Variants in RBFOX1 observed in about 807,000 individuals in gnomAD.
RBFOX1 encodes RNA binding fox-1 homolog 1.
In RBFOX1, 8 loss-of-function variants were observed where a neutral mutation model predicts 57.7. The observed-to-expected ratio is 0.14, with a 90% CI of 0.08 to 0.25. RBFOX1 has a LOEUF of 0.25. RBFOX1 is among the 10% of genes least tolerant of loss of function. The pLI is 1.00. For missense variants in RBFOX1, 611 were observed against 548.5 expected (o/e 1.11, Z -1.14); for synonymous variants, 326 against 222.4 (o/e 1.47, Z -4.15).
chr16:5,422,109 C>A (rs1033589937), intron 1 of RBFOX1, among the ~76,000 whole-genome samples: 1 of 151,804 alleles, frequency 6.6e-6, no homozygotes, highest in Non-Finnish European at 1.5e-5. Context: ...CTAGCCCATG[C>A]GAATAAAAGT....
At chr16:5,960,091 C>G (rs934308972) in intron 4 of RBFOX1, among the ~76,000 whole-genome samples, 3 of 152,026 alleles carry the variant, frequency 2.0e-5, no homozygotes, top group African/African-American at 4.8e-5. Flanking sequence ...ATCCCAGCTA[C>G]TTAGGAGGCC....
chr16:5,759,334 A>T (rs750125955), intron 3 of RBFOX1, among the ~76,000 whole-genome samples: 2 of 152,118 alleles, frequency 1.3e-5, no homozygotes, highest in Non-Finnish European at 1.5e-5. Context: ...TCTTAGAGAG[A>T]TGTATCTCTG....
At chr16:5,279,748 C>T (rs529724745) in intron 1 of RBFOX1, among the ~76,000 whole-genome samples, 1 of 152,266 alleles carries the variant, frequency 6.6e-6, no homozygotes, top group East Asian at 1.9e-4. Context: ...GTGATCCACC[C>T]ACCTTGGCCT....
chr16:6,706,103 G>A (rs770266014), intron 3 of RBFOX1, among the ~76,000 whole-genome samples: 13 of 152,282 alleles, frequency 8.5e-5, no homozygotes, highest in South Asian at 8.3e-4. Context: ...CGGATGCTTA[G>A]CCCCAGTGGC....
intron 3 of RBFOX1, among the ~76,000 whole-genome samples, chr16:6,835,190 C>T (rs1033553219): frequency 6.6e-6 from 1 of 152,060 alleles, no homozygotes; most frequent in African/African-American, 2.4e-5. Flanking sequence ...CGTGAGCCAC[C>T]ACGCCCGACC....
chr16:6,046,636 C>T (rs1208918291), intron 1 of RBFOX1, among the ~76,000 whole-genome samples: 1 of 152,044 alleles, frequency 6.6e-6, no homozygotes, highest in Non-Finnish European at 1.5e-5. Flanking sequence ...AAAAATTGGC[C>T]CAAGGTTAGG....
At chr16:6,959,763 C>G (rs2082581821) in intron 3 of RBFOX1, among the ~76,000 whole-genome samples, 1 of 152,018 alleles carries the variant, frequency 6.6e-6, no homozygotes, top group Non-Finnish European at 1.5e-5. Context: ...ATGGTGAAAC[C>G]CCGTTTCTAC....
chr16:5,664,669 C>T (rs1283815205), intron 3 of RBFOX1, among the ~76,000 whole-genome samples: 1 of 152,160 alleles, frequency 6.6e-6, no homozygotes, highest in Non-Finnish European at 1.5e-5. Context: ...TCCATTTGTC[C>T]TAGTAAATGT....
At chr16:6,601,846 G>T (rs904655796) in intron 2 of RBFOX1, among the ~76,000 whole-genome samples, 2 of 152,170 alleles carry the variant, frequency 1.3e-5, no homozygotes, top group South Asian at 2.1e-4. Context: ...TAAAGAGAGG[G>T]GTTAGAGCTT....
rs1166595122 is a variant in RBFOX1 at position 6,691,047 on chromosome 16, C to T, written c.-16+36397C>T. On this transcript the variant is annotated intron_variant, in intron 3 of 15. Coordinates refer to ENST00000550418, the MANE Select transcript of RBFOX1 (RefSeq NM_018723.4). ...TCCAGTCATTTTGTTATTCATGTTACATCATGTTCCTTCTGATTGTTAACA... is the reference window on the plus strand; with the variant it reads ...TCCAGTCATTTTGTTATTCATGTTATATCATGTTCCTTCTGATTGTTAACA... Among the ~76,000 whole-genome samples the T allele has an allele frequency of 1.2e-4, 19 of 152,120 alleles. 1 individual carries two copies. The highest frequency in any genetic ancestry group is 4.8e-5 in the African/African-American group (2 of 41,422).
chr16:5,675,221 C>A (rs2050129352), intron 3 of RBFOX1, among the ~76,000 whole-genome samples: 1 of 151,656 alleles, frequency 6.6e-6, no homozygotes, highest in South Asian at 2.1e-4. Context: ...TACTCACGCA[C>A]ACACACACAC....
At chr16:6,779,989 T>TTATATATTTA (rs1567211048) in intron 3 of RBFOX1, among the ~76,000 whole-genome samples, 1 of 15,478 alleles carries the variant, frequency 6.5e-5, no homozygotes, top group Non-Finnish European at 9.8e-5. Context: ...ATTTATATAT[T>TTATATATTTA]TATATATTTA....
chr16:6,589,582 G>T (rs1364008892), intron 2 of RBFOX1, among the ~76,000 whole-genome samples: 1 of 152,200 alleles, frequency 6.6e-6, no homozygotes, highest in Non-Finnish European at 1.5e-5. Context: ...CAATAGTGGT[G>T]TTATCCCAGG....
chr16:7,528,216 T>TA (rs1294326412), intron 5 of RBFOX1, among the ~76,000 whole-genome samples: 1 of 152,224 alleles, frequency 6.6e-6, no homozygotes, highest in Non-Finnish European at 1.5e-5. Flanking sequence ...CCATTGCAAA[T>TA]ATTAGAGCCA....
intron 4 of RBFOX1, among the ~76,000 whole-genome samples, chr16:7,253,891 T>G (rs1211908310): frequency 6.6e-6 from 1 of 152,148 alleles, no homozygotes; most frequent in Admixed American, 6.5e-5. Flanking sequence ...TTTTGTTCGT[T>G]CATTACCTGA....
At position 7,031,805 on chromosome 16, in the gene RBFOX1, G is replaced by A. The variant is rs539225131; in HGVS notation, c.-15-20252G>A. Among the ~76,000 whole-genome samples, 5 of 152,180 alleles carry A rather than the reference G, an allele frequency of 3.3e-5. No individual in the cohort carries two copies. The South Asian group carries it at 8.3e-4, about 25-fold the overall frequency. The stretch of plus-strand genomic sequence containing the variant: ...AGATGCAGATGGCTTGTGTCTCATG[G>A]GGCCTGGCTCACATGTAAGCCAACG... On this transcript the variant is annotated intron_variant, in intron 3 of 15. Transcript: ENST00000550418.
chr16:7,634,101 T>G (rs2061391164), intron 11 of RBFOX1, among the ~76,000 whole-genome samples: 1 of 152,206 alleles, frequency 6.6e-6, no homozygotes, highest in Admixed American at 6.5e-5. Flanking sequence ...TTATCTTTGC[T>G]CTCTGATGGG....
intron 4 of RBFOX1, among the ~76,000 whole-genome samples, chr16:7,506,248 A>G (rs2073255778): frequency 6.6e-6 from 1 of 151,860 alleles, no homozygotes; most frequent in South Asian, 2.1e-4. Context: ...TACCAGAACA[A>G]AAGTTTATAT....
At chr16:7,382,222 C>G (rs1025868128) in intron 4 of RBFOX1, among the ~76,000 whole-genome samples, 3 of 152,334 alleles carry the variant, frequency 2.0e-5, no homozygotes, top group South Asian at 2.1e-4. Flanking sequence ...ACTAATTAAA[C>G]TAATCCTATC....
Sources: allele counts gnomAD v4.1 joint callset (sites outside exome capture counted in the v4.1 genomes callset), GRCh38; gene constraint gnomAD v4.1.1; transcripts MANE v1.5; gene names NCBI Gene and HGNC (gene_info 2026-07-23, HGNC 2026-07-21).